POLR3A: variants seen among roughly 807,000 people sequenced by gnomAD.
The protein encoded by POLR3A is RNA polymerase III subunit A.
Under a neutral mutation model 152.8 loss-of-function variants are expected in POLR3A, and 112 were observed. The ratio of observed to expected loss-of-function variants is 0.73; its 90% CI spans 0.63 to 0.86. The LOEUF (loss-of-function observed/expected upper bound fraction) is 0.86, where lower values mean the gene tolerates loss of function less well. Ranked by LOEUF, POLR3A falls within the 40% of genes least tolerant of loss-of-function variation. POLR3A has a pLI of 0.00. For synonymous variants in POLR3A, 615 were observed against 652.1 expected (o/e 0.94, Z 0.87); for missense variants, 1,385 against 1,743.1 (o/e 0.79, Z 3.66).
At position 78,013,682 on chromosome 10, in the gene POLR3A, C is replaced by T; in HGVS notation, c.1540G>A (p.Glu514Lys). ...AGAACAAGGGCCTCTGCTTTAGCTT[C>T]TTCTGTTTGAGGAAGATGAAGGTTC... is the stretch of plus-strand genomic sequence containing the variant. ...EMNLHLPQTE[E>K]AKAEALVLMG... Residue 514 changes from glutamate to lysine, a missense_variant, in exon 11 of 31, where the codon GAA becomes AAA. This residue lies in a region of POLR3A where 493 missense variants were observed against 647.5 expected (regional missense o/e 0.76). Transcript: ENST00000372371. The T allele has an allele frequency of 6.2e-7, 1 of 1,614,082 alleles. No homozygotes were observed. Among genetic ancestry groups the T allele is most frequent in the Non-Finnish European group, 8.5e-7 (1 of 1,180,018 alleles).
At chr10:78,002,147 A>G (rs1189696887) in intron 17 of POLR3A, 50 bp downstream of exon 17, 2 of 1,117,412 alleles carry the variant, frequency 1.8e-6, no homozygotes, top group African/African-American at 3.1e-5. Flanking sequence ...GGAGCCAAAC[A>G]GCCTGTACGG....
At chr10:78,003,373 C>A (rs141021403) in intron 16 of POLR3A, among the ~76,000 whole-genome samples, 1 of 152,188 alleles carries the variant, frequency 6.6e-6, no homozygotes, top group South Asian at 2.1e-4. Context: ...TTCTTCCACA[C>A]TCAGGTGAGT....
Position 77,984,228 on chromosome 10 carries a change from T to G in POLR3A, c.3313A>C (p.Ile1105Leu), listed in dbSNP as rs771478834. The G allele has an allele frequency of 6.2e-7, 1 of 1,610,600 alleles. No homozygotes were observed. Among genetic ancestry groups the G allele is most frequent in the Admixed American group, 1.7e-5 (1 of 60,010 alleles). The change falls in exon 25 of 31, where the codon ATT becomes CTT. Residue 1105 changes from isoleucine to leucine, a missense_variant. Transcript: ENST00000372371. ...ADYARLVKGR[I>L]EKTLLGEISE... Reference sequence around the variant, plus strand: ...ACCTCTCCCAAGAGGGTTTTCTCAATTCTCCCTTTCACGAGGCGAGCATAA... The same window carrying G: ...ACCTCTCCCAAGAGGGTTTTCTCAAGTCTCCCTTTCACGAGGCGAGCATAA...
At chr10:78,008,015 G>GGGA in intron 14 of POLR3A, 149 bp from the exon 15 acceptor site, 1 of 340,628 alleles carries the variant, frequency 2.9e-6, no homozygotes, top group South Asian at 2.6e-5. Context: ...TTTTTGGGGG[G>GGGA]AGGGAGGGGG....
At position 78,026,224 on chromosome 10, in the gene POLR3A, T is replaced by C. The variant is rs780458635; in HGVS notation, c.50A>G (p.His17Arg). The C allele has an allele frequency of 3.5e-5, 56 of 1,614,132 alleles. No homozygotes were observed. The highest frequency in any genetic ancestry group is 5.0e-5 in the Admixed American group (3 of 60,010). ...AGGTGACTTCATTCCAAAACAGATG[T>C]GGCTTCTGGAATGGGAAGAAAAAGG... is the stretch of plus-strand genomic sequence containing the variant. The part of the protein sequence containing the change: ...RETDVAKKIS[H>R]ICFGMKSPEE... The change falls in exon 2 of 31, where the codon CAC (histidine) becomes CGC (arginine). Residue 17 changes from histidine (H) to arginine (R), a missense_variant. Physicochemically the swap from His to Arg is conservative, Grantham distance 29 (BLOSUM62 0). Around this residue, in one of 7 missense-constraint regions of POLR3A, gnomAD observed 493 missense variants for 647.5 expected, o/e 0.76. Transcript: ENST00000372371.
intron 21 of POLR3A, among the ~76,000 whole-genome samples, chr10:77,987,940 C>T (rs1038773415): frequency 6.6e-6 from 1 of 152,236 alleles, no homozygotes; most frequent in African/African-American, 2.4e-5. Context: ...GGCAACCAAC[C>T]ACTCCACGAA....
intron 2 of POLR3A, 70 bp from the exon 3 acceptor site, chr10:78,025,829 C>T (rs1185078395): frequency 2.1e-6 from 3 of 1,403,252 alleles, no homozygotes; most frequent in Non-Finnish European, 3.0e-6. Flanking sequence ...GCCATCATGC[C>T]TGGCTGGTGA....
At chr10:78,021,291 G>A (rs1341075559) in intron 8 of POLR3A, among the ~76,000 whole-genome samples, 1 of 151,990 alleles carries the variant, frequency 6.6e-6, no homozygotes, top group Non-Finnish European at 1.5e-5. Flanking sequence ...TGGAAAAAAA[G>A]TTGCAAAAAA....
At chr10:78,028,571 G>A (rs1435666705) in intron 1 of POLR3A, among the ~76,000 whole-genome samples, 1 of 151,830 alleles carries the variant, frequency 6.6e-6, no homozygotes, top group African/African-American at 2.4e-5. Flanking sequence ...AATGCAGGAG[G>A]TTGCCCACTG....
Position 78,024,499 on chromosome 10 carries a change from AGAGGCAGGCGG to A in POLR3A, c.645+39_645+49del, listed in dbSNP as rs752700897. On this transcript the variant is annotated intron_variant, in intron 5 of 30. Transcript: ENST00000372371. ...AGAGAGTGTGCATGTGACGTGCGGA[AGAGGCAGGCGG>A]GAGGCAGGCGGAAGGCAGGCGTGCA... 1.6e-5 allele frequency: 26 copies of A among 1,601,094 alleles called. No individual in the cohort carries two copies. The African/African-American group carries it at 1.9e-4, about 12-fold the overall frequency.
Position 77,982,658 on chromosome 10 carries a change from G to T in POLR3A, c.3589C>A (p.Pro1197Thr). The change falls in exon 27 of 31, where the codon CCC becomes ACC. Residue 1197 changes from proline to threonine, a missense_variant. By Grantham distance (38) the Pro-to-Thr change is conservative (BLOSUM62 -1). Around this residue, in one of 7 missense-constraint regions of POLR3A, gnomAD observed 332 missense variants for 400.1 expected, o/e 0.83. Transcript: ENST00000372371. ...AGAAGCGACTTCTGTTTCACCTTGG[G>T]GAGATCCTCTTTCAGGAACTGCAGC... ...YVLQFLKEDL[P>T]KVVVQGIPEV... 1 of 1,612,912 alleles carries T rather than the reference G, an allele frequency of 6.2e-7. No individual in the cohort carries two copies. The highest frequency in any genetic ancestry group is 8.5e-7 in the Non-Finnish European group (1 of 1,179,968).
In POLR3A at chr10:77,985,307, A is replaced by C. The variant is rs1010771258; in HGVS notation, c.3105T>G (p.Ala1035=). ...AQMEPGSAVG[A]LCAQSIGEPG... Reference sequence around the variant, plus strand: ...GCTCACCAATGCTCTGGGCACACAGAGCACCCACTGCAGAACCTGGCTCCA... The same window carrying C: ...GCTCACCAATGCTCTGGGCACACAGCGCACCCACTGCAGAACCTGGCTCCA... The change falls in exon 24 of 31, where the codon GCT becomes GCG. Residue 1035 remains alanine, a synonymous_variant. Coordinates refer to ENST00000372371, the MANE Select transcript of POLR3A (RefSeq NM_007055.4). 1 of 1,614,140 alleles carries C rather than the reference A, an allele frequency of 6.2e-7. No individual in the cohort carries two copies. The highest frequency in any genetic ancestry group is 8.5e-7 in the Non-Finnish European group (1 of 1,179,956).
At chr10:78,012,521 T>A (rs567434570) in intron 11 of POLR3A, among the ~76,000 whole-genome samples, 1 of 151,816 alleles carries the variant, frequency 6.6e-6, no homozygotes, top group East Asian at 1.9e-4. Context: ...ATTTTGGAGG[T>A]AGGGACACTT....
intron 4 of POLR3A, 69 bp from the exon 5 acceptor site, chr10:78,024,772 T>C (rs751885689): frequency 2.1e-6 from 3 of 1,462,450 alleles, no homozygotes; most frequent in South Asian, 2.3e-5. Context: ...GATTGTAGTA[T>C]GGTTAATGAA....
intron 26 of POLR3A, among the ~76,000 whole-genome samples, chr10:77,983,665 G>GT (rs755447669): frequency 6.6e-6 from 1 of 152,128 alleles, no homozygotes; most frequent in Non-Finnish European, 1.5e-5. Context: ...TCATAATACC[G>GT]TGTCACAGTG....
chr10:78,002,409 A>T, intron 16 of POLR3A, 101 bp from the exon 17 acceptor site: 1 of 824,834 alleles, frequency 1.2e-6, no homozygotes. Context: ...ATACTGAGGC[A>T]AGATGCCCGA....
chr10:77,993,041 T>C (rs947152478), intron 20 of POLR3A, among the ~76,000 whole-genome samples, 156 bp downstream of exon 20: 3 of 152,114 alleles, frequency 2.0e-5, no homozygotes, highest in Non-Finnish European at 4.4e-5. Flanking sequence ...CGGAAAATTA[T>C]ACAGAGTAAC....
chr10:77,987,847 T>C (rs1847211919), intron 21 of POLR3A, among the ~76,000 whole-genome samples: 1 of 152,202 alleles, frequency 6.6e-6, no homozygotes, highest in Admixed American at 6.5e-5. Context: ...TGGCAAGACC[T>C]CACTGTGAGG....
intron 15 of POLR3A, among the ~76,000 whole-genome samples, chr10:78,006,984 C>T (rs957987005): frequency 3.3e-5 from 5 of 152,074 alleles, no homozygotes; most frequent in Non-Finnish European, 7.3e-5. Context: ...GTGGCACATG[C>T]CTGTAGTCCC....
Sources: allele counts gnomAD v4.1 joint callset (sites outside exome capture counted in the v4.1 genomes callset), GRCh38; gene constraint gnomAD v4.1.1; regional missense constraint gnomAD v4.1.1; transcripts MANE v1.5; gene names NCBI Gene and HGNC (gene_info 2026-07-23, HGNC 2026-07-21).